Variants in SPON1 observed in about 807,000 individuals in gnomAD.
The protein encoded by SPON1 is spondin-1.
A neutral mutation model predicts 111.7 loss-of-function variants in SPON1; 52 were observed. The ratio of observed to expected loss-of-function variants is 0.47; its 90% CI spans 0.37 to 0.59. The LOEUF is 0.59. SPON1 is among the 20% of genes least tolerant of loss of function. The pLI, the probability that SPON1 is intolerant of heterozygous loss-of-function variation, is 0.00. For missense variants in SPON1, 957 were observed against 1,068.5 expected (o/e 0.90, Z 1.46); for synonymous variants, 410 against 395.8 (o/e 1.04, Z -0.43).
At chr11:14,249,163 A>G (rs1354429681) in intron 7 of SPON1, among the ~76,000 whole-genome samples, 3 of 152,182 alleles carry the variant, frequency 2.0e-5, no homozygotes, top group African/African-American at 7.2e-5. Context: ...ACTCTGCCGG[A>G]TTAACATTGA....
At chr11:14,072,425 C>T (rs1848884019) in intron 3 of SPON1, among the ~76,000 whole-genome samples, 1 of 151,960 alleles carries the variant, frequency 6.6e-6, no homozygotes, top group Non-Finnish European at 1.5e-5. Flanking sequence ...AAATGATAGG[C>T]TTTGCCATTG....
chr11:14,054,454 A>T (rs1462227052), intron 3 of SPON1, among the ~76,000 whole-genome samples: 1 of 152,258 alleles, frequency 6.6e-6, no homozygotes, highest in Non-Finnish European at 1.5e-5. Flanking sequence ...TTTCCTTTCA[A>T]AATGTAAATC....
At chr11:13,991,051 T>C (rs781977030) in intron 2 of SPON1, among the ~76,000 whole-genome samples, 15 of 152,212 alleles carry the variant, frequency 9.9e-5, no homozygotes, top group Non-Finnish European at 1.8e-4. Flanking sequence ...TTAATGTGTC[T>C]TGGGGTTGCT....
At chr11:14,261,680 T>C (rs1259070162) in intron 14 of SPON1, among the ~76,000 whole-genome samples, 1 of 152,136 alleles carries the variant, frequency 6.6e-6, no homozygotes, top group Non-Finnish European at 1.5e-5. Context: ...CCTGGGGTTT[T>C]CAGTAACTAA....
At chr11:14,177,615 A>G (rs1279533269) in intron 6 of SPON1, among the ~76,000 whole-genome samples, 1 of 152,198 alleles carries the variant, frequency 6.6e-6, no homozygotes, top group African/African-American at 2.4e-5. Flanking sequence ...CTCCTAAACC[A>G]TAATTTCTAA....
intron 5 of SPON1, among the ~76,000 whole-genome samples, chr11:14,087,686 C>T (rs1591372016): frequency 6.6e-6 from 1 of 152,148 alleles, no homozygotes; most frequent in African/African-American, 2.4e-5. Context: ...GAATTAAAGT[C>T]CCGAATATCC....
At chr11:14,230,539 C>A (rs1848787132) in intron 6 of SPON1, among the ~76,000 whole-genome samples, 1 of 152,150 alleles carries the variant, frequency 6.6e-6, no homozygotes, top group African/African-American at 2.4e-5. Flanking sequence ...CTTATGAATT[C>A]TACCCCTGCC....
chr11:14,121,535 A>G (rs1038665088), intron 5 of SPON1, among the ~76,000 whole-genome samples: 2 of 152,206 alleles, frequency 1.3e-5, no homozygotes, highest in African/African-American at 4.8e-5. Context: ...GGTGCAGGAA[A>G]GGCAAAAGAT....
At chr11:14,120,265 A>C (rs1339029478) in intron 5 of SPON1, among the ~76,000 whole-genome samples, 1 of 152,144 alleles carries the variant, frequency 6.6e-6, no homozygotes, top group Non-Finnish European at 1.5e-5. Flanking sequence ...TATTTATGCA[A>C]GGCAGGAAGT....
intron 1 of SPON1, among the ~76,000 whole-genome samples, chr11:13,978,821 A>G (rs1848122614): frequency 6.6e-6 from 1 of 152,134 alleles, no homozygotes; most frequent in Non-Finnish European, 1.5e-5. Flanking sequence ...ATTTTCAGGA[A>G]ACTTCTAGAG....
At chr11:14,075,074 A>C (rs1848906416) in intron 3 of SPON1, among the ~76,000 whole-genome samples, 1 of 152,196 alleles carries the variant, frequency 6.6e-6, no homozygotes, top group Non-Finnish European at 1.5e-5. Context: ...CCTTCACAAT[A>C]ACCTTACCAC....
At position 13,976,027 on chromosome 11, in the gene SPON1, G is replaced by A. The variant is rs1264483573; in HGVS notation, c.239-6820G>A. On this transcript the variant is annotated intron_variant, in intron 1 of 15. Coordinates refer to ENST00000576479, the MANE Select transcript of SPON1 (RefSeq NM_006108.4). ...GAACAGTTTACATGTTCCAGGCACT[G>A]GGATAAATATTTATTTAACTCTACG... Among the ~76,000 whole-genome samples, 4 of 152,070 alleles carry A rather than the reference G, an allele frequency of 2.6e-5. No individual in the cohort carries two copies. In the South Asian group the frequency reaches 6.2e-4, roughly 24 times the overall value.
At position 14,239,600 on chromosome 11, in the gene SPON1, C is replaced by T. The variant is rs538140508; in HGVS notation, c.826-3732C>T. 2.0e-5 allele frequency among the ~76,000 whole-genome samples: 3 copies of T among 152,286 alleles called. No homozygotes were observed. The East Asian group carries it at 5.8e-4, about 29-fold the overall frequency. On this transcript the variant is annotated intron_variant, in intron 6 of 15. Transcript: ENST00000576479. ...ATTAGCCATGAGTAGTGGTGCACAC[C>T]TGTAGTCCTAGCTACTCAGGAGGCT...
At chr11:14,082,781 C>G (rs1459806342) in intron 5 of SPON1, among the ~76,000 whole-genome samples, 3 of 152,156 alleles carry the variant, frequency 2.0e-5, no homozygotes, top group African/African-American at 7.2e-5. Flanking sequence ...TTTCTTTTTG[C>G]CACTGCAAAG....
intron 4 of SPON1, among the ~76,000 whole-genome samples, chr11:14,077,059 G>T (rs12795941): frequency 0.25 from 38,335 of 152,146 alleles, 5,803 homozygotes; most frequent in South Asian, 0.41. Context: ...TGGTGGACTT[G>T]TGGGTGTTTT....
rs557651234 is a variant in SPON1, at chr11:14,072,444, T to G, written c.480-2901T>G. Among the ~76,000 whole-genome samples the G allele has an allele frequency of 2.1e-4, 32 of 152,122 alleles. 1 individual carries two copies. In the South Asian group the frequency reaches 2.7e-3, roughly 13 times the overall value. ...GATAGGCTTTGCCATTGTCCCCCTA[T>G]TTACAGTAGGAGGAAGAAGATTCAG... On this transcript the variant is annotated intron_variant, in intron 3 of 15. Transcript: ENST00000576479.
intron 6 of SPON1, among the ~76,000 whole-genome samples, chr11:14,200,630 A>G (rs140332328): frequency 3.3e-5 from 5 of 152,120 alleles, no homozygotes; most frequent in African/African-American, 7.2e-5. Context: ...CCTGGCCAAC[A>G]TGGGGAAACC....
chr11:14,079,829 C>T, intron 4 of SPON1, 70 bp from the exon 5 acceptor site: 1 of 1,559,146 alleles, frequency 6.4e-7, no homozygotes, highest in Non-Finnish European at 8.8e-7. Context: ...TAAAATGAGA[C>T]CATGATAGCA....
At chr11:14,134,636 A>G (rs372241337) in intron 5 of SPON1, among the ~76,000 whole-genome samples, 4 of 152,310 alleles carry the variant, frequency 2.6e-5, no homozygotes, top group African/African-American at 9.6e-5. Context: ...TTTACTTCTA[A>G]GGCTGGTCCC....
Sources: gnomAD v4.1 joint callset for allele counts (sites outside exome capture counted in the v4.1 genomes callset) on GRCh38, gnomAD v4.1.1 for gene constraint, MANE v1.5 for transcripts, NCBI Gene and HGNC (gene_info 2026-07-23, HGNC 2026-07-21) for gene names.